The following TMEM156 variants were observed in gnomAD, a reference collection of about 807,000 sequenced individuals.
TMEM156 encodes transmembrane protein 156.
A neutral mutation model predicts 30.5 loss-of-function variants in TMEM156; 28 were observed. The observed-to-expected ratio is 0.92, with a 90% CI of 0.68 to 1.26. The LOEUF (loss-of-function observed/expected upper bound fraction) is 1.26. TMEM156 is among the 50% of genes most tolerant of loss of function. The pLI is 0.00. For missense variants in TMEM156, 351 were observed against 340.6 expected (o/e 1.03, Z -0.24); for synonymous variants, 137 against 119.9 (o/e 1.14, Z -0.93).
chr4:38,992,712 T>TATATATATAA (rs1560366861), intron 3 of TMEM156, among the ~76,000 whole-genome samples: 1 of 41,094 alleles, frequency 2.4e-5, no homozygotes, highest in African/African-American at 7.3e-5. Flanking sequence ...TATATATATA[T>TATATATATAA]TATATATATA....
intron 1 of TMEM156, among the ~76,000 whole-genome samples, chr4:39,005,949 G>A (rs577777064): frequency 2.6e-4 from 39 of 152,266 alleles, no homozygotes; most frequent in Admixed American, 1.5e-3. Flanking sequence ...AGGCTGGAGT[G>A]CAGTGGTACG....
intron 1 of TMEM156, among the ~76,000 whole-genome samples, chr4:39,018,308 C>A (rs1714634844): frequency 3.3e-5 from 5 of 152,176 alleles, no homozygotes; most frequent in African/African-American, 9.7e-5. Flanking sequence ...TTTTATACAG[C>A]ATTTTGGTTC....
chr4:39,020,614 T>C (rs966606822), intron 1 of TMEM156, among the ~76,000 whole-genome samples: 14 of 152,052 alleles, frequency 9.2e-5, no homozygotes, highest in Non-Finnish European at 1.6e-4. Flanking sequence ...TGAAGTGGCA[T>C]GATCTCGGCT....
At chr4:38,983,489 T>C (rs985260641) in intron 5 of TMEM156, among the ~76,000 whole-genome samples, 1 of 152,136 alleles carries the variant, frequency 6.6e-6, no homozygotes, top group Non-Finnish European at 1.5e-5. Context: ...GCCTCGACTT[T>C]CCAGGCTTAA....
chr4:39,003,733 T>G lies in TMEM156; in HGVS notation c.89-4824A>C, dbSNP rs181920175. On this transcript the variant is annotated intron_variant, in intron 1 of 6. Coordinates refer to ENST00000381938, the MANE Select transcript of TMEM156 (RefSeq NM_024943.3). ...CTGATGGAACTCCATAATCTGTATC[T>G]TTTTTAATATCACTAAAATACATGA... Among the ~76,000 whole-genome samples the G allele has an allele frequency of 8.7e-4, 133 of 152,338 alleles. 2 individuals are homozygous for G. Among genetic ancestry groups the G allele is most frequent in the Admixed American group, 2.6e-3 (40 of 15,296 alleles).
intron 1 of TMEM156, among the ~76,000 whole-genome samples, chr4:39,008,214 A>G (rs1248737872): frequency 6.6e-6 from 1 of 152,148 alleles, no homozygotes; most frequent in African/African-American, 2.4e-5. Context: ...TTTTAAGAAC[A>G]CTTACAATGT....
rs1392744075 is a variant in TMEM156, at chr4:38,988,959, A to G, written c.631T>C (p.Ser211Pro). ...AAAATATACCAAGTGATCTTCATGG[A>G]ACAAGTGATATCTGTAAAGAAAACA... is the stretch of plus-strand genomic sequence containing the variant. ...LEMDIKNITC[S>P]MKITWYILVL... The change falls in exon 4 of 7, where the codon TCC (serine) becomes CCC (proline). Residue 211 changes from serine to proline, a missense_variant. Ser to Pro is a moderately conservative substitution (Grantham distance 74). Coordinates refer to ENST00000381938, the MANE Select transcript of TMEM156 (RefSeq NM_024943.3). 4 of 1,611,250 alleles carry G rather than the reference A, an allele frequency of 2.5e-6. No individual in the cohort carries two copies. The highest frequency in any genetic ancestry group is 3.4e-6 in the Non-Finnish European group (4 of 1,178,220).
At chr4:39,006,164 G>A (rs1228909264) in intron 1 of TMEM156, among the ~76,000 whole-genome samples, 1 of 152,116 alleles carries the variant, frequency 6.6e-6, no homozygotes, top group Admixed American at 6.5e-5. Context: ...CAAAAGTGCT[G>A]GGATTACAGG....
At chr4:39,019,731 G>GAT (rs1433311454) in intron 1 of TMEM156, among the ~76,000 whole-genome samples, 2 of 151,926 alleles carry the variant, frequency 1.3e-5, no homozygotes, top group Admixed American at 6.6e-5. Context: ...GATGTTTTGA[G>GAT]ATATATATAT....
rs75409951 is a variant in TMEM156 at position 39,019,538 on chromosome 4, C to T, written c.88+12688G>A. Among the ~76,000 whole-genome samples, 38 of 152,230 alleles carry T rather than the reference C, an allele frequency of 2.5e-4. No homozygotes were observed. In the East Asian group the frequency reaches 5.0e-3, roughly 20 times the overall value. On this transcript the variant is annotated intron_variant, in intron 1 of 6. Transcript: ENST00000381938. Reference sequence around the variant, plus strand: ...ATTATTTTTAGGCTGGGGGAATAAACGACTCTGTTTGTCCTCCCTATTAAC... The same window carrying T: ...ATTATTTTTAGGCTGGGGGAATAAATGACTCTGTTTGTCCTCCCTATTAAC...
At chr4:39,028,532 A>G (rs1715342771) in intron 1 of TMEM156, 1 of 152,194 alleles carries the variant, frequency 6.6e-6, no homozygotes. Context: ...TTTGCCAGTC[A>G]GTTGTCCTCC....
intron 1 of TMEM156, among the ~76,000 whole-genome samples, chr4:39,009,339 T>G (rs1054056646): frequency 4.6e-5 from 7 of 152,120 alleles, no homozygotes; most frequent in African/African-American, 1.7e-4. Flanking sequence ...CTGCTACCAA[T>G]CCTACTGAAA....
chr4:38,990,830 G>GTTTTTTTTTTTTTTTTTTTTT lies in TMEM156; in HGVS notation c.620-1881_620-1861dup, dbSNP rs71304784. ...CTTTGTTTTTTTGGTTTGTTTTCTG[G>GTTTTTTTTTTTTTTTTTTTTT]TTTTTTTTTTTTTTTTTTTTTTTGA... is the stretch of plus-strand genomic sequence containing the variant. On this transcript the variant is annotated intron_variant, in intron 3 of 6. Coordinates refer to ENST00000381938, the MANE Select transcript of TMEM156 (RefSeq NM_024943.3). 9.2e-4 allele frequency among the ~76,000 whole-genome samples: 75 copies of GTTTTTTTTTTTTTTTTTTTTT among 81,182 alleles called. 9 individuals carry two copies. The highest frequency in any genetic ancestry group is 1.3e-3 in the East Asian group (3 of 2,254). 53.3% of individuals were successfully genotyped at this position (81,182 alleles called of 152,430 possible).
At chr4:39,016,309 G>C (rs1379742866) in intron 1 of TMEM156, among the ~76,000 whole-genome samples, 1 of 151,422 alleles carries the variant, frequency 6.6e-6, no homozygotes, top group Non-Finnish European at 1.5e-5. Context: ...GGAGGCAGAG[G>C]TTGCAGTGAG....
At chr4:38,999,261 G>A (rs1713170554) in intron 1 of TMEM156, among the ~76,000 whole-genome samples, 1 of 151,652 alleles carries the variant, frequency 6.6e-6, no homozygotes, top group Non-Finnish European at 1.5e-5. Flanking sequence ...TGACTGCAGG[G>A]GCATGCCACC....
intron 3 of TMEM156, among the ~76,000 whole-genome samples, chr4:38,992,748 T>TTATA (rs1553878947): frequency 2.1e-5 from 1 of 47,796 alleles, no homozygotes; most frequent in African/African-American, 7.1e-5. Context: ...ATATAATATA[T>TTATA]TATATATATA....
chr4:39,023,350 A>T (rs1178995847), intron 1 of TMEM156, among the ~76,000 whole-genome samples: 2 of 152,246 alleles, frequency 1.3e-5, no homozygotes, highest in African/African-American at 4.8e-5. Context: ...ATTGAATAGA[A>T]ATAAAAACAT....
At chr4:39,014,151 G>A (rs1714313733) in intron 1 of TMEM156, among the ~76,000 whole-genome samples, 1 of 152,142 alleles carries the variant, frequency 6.6e-6, no homozygotes, top group Non-Finnish European at 1.5e-5. Context: ...AAAAGAGGCT[G>A]TAAAAGACCA....
chr4:39,005,053 A>G (rs2110001163), intron 1 of TMEM156, among the ~76,000 whole-genome samples: 1 of 152,356 alleles, frequency 6.6e-6, no homozygotes, highest in African/African-American at 2.4e-5. Flanking sequence ...CTCAGCCACA[A>G]AAAGGAACAA....
Sources: gnomAD v4.1 joint callset for allele counts (sites outside exome capture counted in the v4.1 genomes callset) on GRCh38, gnomAD v4.1.1 for gene constraint, MANE v1.5 for transcripts, NCBI Gene and HGNC (gene_info 2026-07-23, HGNC 2026-07-21) for gene names.